The following LAMA2 variants were observed in gnomAD, a reference collection of about 807,000 sequenced individuals.
The protein encoded by LAMA2 is laminin subunit alpha 2.
In LAMA2, 269 loss-of-function variants were observed where a neutral mutation model predicts 364.8. That is an observed-to-expected ratio of 0.74 (90% confidence interval 0.67 to 0.82). LAMA2 has a LOEUF of 0.82. LAMA2 is among the 40% of genes least tolerant of loss of function. The pLI, the probability that LAMA2 is intolerant of heterozygous loss-of-function variation, is 0.00. For missense variants in LAMA2, 3,807 were observed against 3,873.2 expected (o/e 0.98, Z 0.45); for synonymous variants, 1,379 against 1,370.6 (o/e 1.01, Z -0.14).
At chr6:129,369,830 G>C (rs1330480821) in intron 33 of LAMA2, 62 bp from the exon 34 acceptor site, 4 of 1,352,496 alleles carry the variant, frequency 3.0e-6, no homozygotes, top group African/African-American at 1.4e-5. Context: ...AATGTGTTCT[G>C]TCGAACACTA....
intron 9 of LAMA2, among the ~76,000 whole-genome samples, chr6:129,172,741 C>G (rs1780278212): frequency 6.6e-6 from 1 of 152,082 alleles, no homozygotes; most frequent in African/African-American, 2.4e-5. Flanking sequence ...CCTAATCAAG[C>G]CTGGGCAATG....
chr6:128,914,478 T>C (rs1778182515), intron 1 of LAMA2, among the ~76,000 whole-genome samples: 1 of 152,214 alleles, frequency 6.6e-6, no homozygotes, highest in Non-Finnish European at 1.5e-5. Flanking sequence ...CTCATATATA[T>C]GTAATACTTT....
chr6:129,071,419 T>G (rs1473555833), intron 3 of LAMA2, among the ~76,000 whole-genome samples: 1 of 152,102 alleles, frequency 6.6e-6, no homozygotes, highest in Non-Finnish European at 1.5e-5. Flanking sequence ...CCTGCTCTTA[T>G]ATGTCTTGTT....
At chr6:129,208,655 G>A (rs558592224) in intron 12 of LAMA2, among the ~76,000 whole-genome samples, 1 of 137,724 alleles carries the variant, frequency 7.3e-6, no homozygotes, top group Admixed American at 7.7e-5. Flanking sequence ...GGAAGGAAGA[G>A]AGGGAGAAAG....
chr6:129,250,291 C>T (rs1170702335), intron 13 of LAMA2, 78 bp downstream of exon 13: 2 of 883,888 alleles, frequency 2.3e-6, no homozygotes, highest in East Asian at 2.4e-5. Context: ...TTTTTACCTG[C>T]CTGGTTTGAC....
At chr6:128,963,341 G>A (rs1365940981) in intron 1 of LAMA2, among the ~76,000 whole-genome samples, 1 of 152,068 alleles carries the variant, frequency 6.6e-6, no homozygotes, top group Non-Finnish European at 1.5e-5. Context: ...TATTACTACT[G>A]TGAAAATGTA....
chr6:128,926,060 T>G (rs904887763), intron 1 of LAMA2, among the ~76,000 whole-genome samples: 1 of 152,188 alleles, frequency 6.6e-6, no homozygotes, highest in East Asian at 1.9e-4. Context: ...TTTCACCAGA[T>G]CTAGGATTTC....
At chr6:129,202,146 C>T (rs1239429657) in intron 12 of LAMA2, among the ~76,000 whole-genome samples, 1 of 142,124 alleles carries the variant, frequency 7.0e-6, no homozygotes, top group Non-Finnish European at 1.5e-5. Context: ...CGAGATCATA[C>T]CACTGCACTC....
chr6:129,006,201 A>G lies in LAMA2; in HGVS notation c.113-43717A>G, dbSNP rs892316450. Among the ~76,000 whole-genome samples, 296 of 152,224 alleles carry G rather than the reference A, an allele frequency of 1.9e-3. 1 individual carries two copies. Among genetic ancestry groups the G allele is most frequent in the African/African-American group, 6.5e-3 (269 of 41,546 alleles). ...CTAGGATCAGCTTAAGAAATCTCCA[A>G]AATGTGAGCCTACATAATTGAGACC... is the stretch of plus-strand genomic sequence containing the variant. On this transcript the variant is annotated intron_variant, in intron 1 of 64. Coordinates refer to ENST00000421865, the MANE Select transcript of LAMA2 (RefSeq NM_000426.4).
chr6:128,905,903 T>G (rs1777430548), intron 1 of LAMA2, among the ~76,000 whole-genome samples: 1 of 152,148 alleles, frequency 6.6e-6, no homozygotes, highest in South Asian at 2.1e-4. Context: ...TTTATTCTTG[T>G]GATAGTTTGC....
chr6:129,248,672 T>C (rs908302168), intron 12 of LAMA2, among the ~76,000 whole-genome samples: 4 of 152,212 alleles, frequency 2.6e-5, no homozygotes, highest in Non-Finnish European at 5.9e-5. Flanking sequence ...TCAAACGTAT[T>C]TATTAATTTA....
At position 129,456,404 on chromosome 6, in the gene LAMA2, A is replaced by T; in HGVS notation, c.6777A>T (p.Thr2259=). 1 of 1,613,518 alleles carries T rather than the reference A, an allele frequency of 6.2e-7. No homozygotes were observed. Among genetic ancestry groups the T allele is most frequent in the Non-Finnish European group, 8.5e-7 (1 of 1,179,542 alleles). ...DGPKASIVPS[T]HHSTSPPGYT... is the part of the protein sequence containing the mutation. ...CCAAAGCCAGCATTGTGCCCAGCAC[A>T]CACCATTCGACGTCTCCTCCAGGGT... Residue 2259 remains threonine (T), a synonymous_variant, in exon 48 of 65, where the codon ACA becomes ACT. Transcript: ENST00000421865.
intron 58 of LAMA2, among the ~76,000 whole-genome samples, chr6:129,501,420 C>A (rs997206650): frequency 1.3e-5 from 2 of 152,204 alleles, no homozygotes; most frequent in Admixed American, 1.3e-4. Context: ...TCCATGAAGA[C>A]CAATTTTACG....
At chr6:129,495,462 C>T (rs1008553661) in intron 58 of LAMA2, among the ~76,000 whole-genome samples, 2 of 152,176 alleles carry the variant, frequency 1.3e-5, no homozygotes, top group Non-Finnish European at 2.9e-5. Context: ...TGTGACCCCT[C>T]CCTCCCTTAA....
At chr6:129,292,852 G>C in intron 20 of LAMA2, 1 of 985,786 alleles carries the variant, frequency 1.0e-6, no homozygotes, top group Non-Finnish European at 1.2e-6. Context: ...CTATGTGACT[G>C]CGATCCCGTT....
At chr6:129,035,528 ATT>A (rs143564398) in intron 1 of LAMA2, among the ~76,000 whole-genome samples, 1 of 133,474 alleles carries the variant, frequency 7.5e-6, no homozygotes, top group Non-Finnish European at 1.6e-5. Context: ...CCATTTGTTC[ATT>A]TTTTTTTTTT....
chr6:129,419,320 A>C (rs574773256), intron 40 of LAMA2, among the ~76,000 whole-genome samples: 1 of 152,186 alleles, frequency 6.6e-6, no homozygotes, highest in African/African-American at 2.4e-5. Context: ...TATGATTTCT[A>C]CCCGTAGGTA....
intron 12 of LAMA2, among the ~76,000 whole-genome samples, chr6:129,206,806 G>GCTAT (rs1782709044): frequency 1.3e-5 from 2 of 152,226 alleles, no homozygotes; most frequent in Non-Finnish European, 2.9e-5. Flanking sequence ...CTATGTGATA[G>GCTAT]GGCCTCCAAC....
At chr6:129,350,457 C>T (rs775145596) in intron 31 of LAMA2, among the ~76,000 whole-genome samples, 18 of 152,190 alleles carry the variant, frequency 1.2e-4, no homozygotes, top group African/African-American at 1.7e-4. Flanking sequence ...AATGTTTACC[C>T]GCCCTTCCTG....
Sources: gnomAD v4.1 joint callset for allele counts (sites outside exome capture counted in the v4.1 genomes callset) on GRCh38, gnomAD v4.1.1 for gene constraint, MANE v1.5 for transcripts, NCBI Gene and HGNC (gene_info 2026-07-23, HGNC 2026-07-21) for gene names.